Variants in RANBP2 observed in about 807,000 individuals in gnomAD.
RANBP2 encodes the protein RAN binding protein 2, also known as E3 SUMO-protein ligase RanBP2.
RANBP2 carries 57 observed loss-of-function variants against 303.6 expected under a neutral mutation model. The ratio of observed to expected loss-of-function variants is 0.19; its 90% CI spans 0.15 to 0.23. The LOEUF is 0.23. Ranked by LOEUF, RANBP2 falls within the 10% of genes least tolerant of loss-of-function variation. The pLI, the probability that RANBP2 is intolerant of heterozygous loss-of-function variation, is 1.00. For missense variants in RANBP2, 3,138 were observed against 3,780.8 expected (o/e 0.83, Z 4.46); for synonymous variants, 1,167 against 1,301.5 (o/e 0.90, Z 2.23).
the RANBP2 span, among the ~76,000 whole-genome samples, chr2:109,566,699 C>T: frequency 6.6e-6 from 1 of 151,838 alleles, no homozygotes; most frequent in Admixed American, 6.6e-5. Flanking sequence ...CACAAGCTAA[C>T]CCACATCAAG....
the RANBP2 span, among the ~76,000 whole-genome samples, chr2:109,114,892 C>T: frequency 6.6e-6 from 1 of 152,098 alleles, no homozygotes; most frequent in African/African-American, 2.4e-5. Context: ...CGTTATGTAC[C>T]CAGTAGTCAT....
At chr2:109,739,449 G>A in the RANBP2 span, among the ~76,000 whole-genome samples, 1 of 151,558 alleles carries the variant, frequency 6.6e-6, no homozygotes, top group African/African-American at 2.4e-5. Flanking sequence ...TCACTTCTTT[G>A]GTTAATTCCT....
chr2:109,130,120 ATC>A, the RANBP2 span: 8 of 1,297,696 alleles, frequency 6.2e-6, no homozygotes, highest in Non-Finnish European at 7.8e-6. Context: ...AAAGGTGAGT[ATC>A]TGTCTCGGCG....
chr2:108,728,595 T>TATGATGATGATG (rs56238649), intron 1 of RANBP2, among the ~76,000 whole-genome samples: 48 of 145,726 alleles, frequency 3.3e-4, no homozygotes, highest in African/African-American at 9.6e-4. Flanking sequence ...CCAGCTTATT[T>TATGATGATGATG]ATGATGATGA....
chr2:109,230,461 T>C, the RANBP2 span, among the ~76,000 whole-genome samples: 1 of 152,088 alleles, frequency 6.6e-6, no homozygotes, highest in East Asian at 1.9e-4. Context: ...ATGCCTGTTA[T>C]CCCAGTTACT....
chr2:109,624,713 C>A, the RANBP2 span, among the ~76,000 whole-genome samples: 1 of 152,148 alleles, frequency 6.6e-6, no homozygotes, highest in Non-Finnish European at 1.5e-5. Context: ...TACTCTTCAA[C>A]TCAACTATTT....
rs775517055 is a variant in RANBP2 at position 108,753,101 on chromosome 2, A to G, written c.1859A>G (p.Asn620Ser). ...LPLLKIIKKK[N>S]SIPEPIDPLF... ...TTGTTGAAGATAATAAAAAAGAAGA[A>G]CAGTATTCCTGAACCTATTGATCCT... Residue 620 changes from asparagine (N) to serine (S), a missense_variant, in exon 13 of 29, where the codon AAC becomes AGC. By Grantham distance (46) the Asn-to-Ser change is conservative. Around this residue, in one of 20 missense-constraint regions of RANBP2, gnomAD observed 162 missense variants for 286.9 expected, o/e 0.56. Transcript: ENST00000283195. 6.2e-6 allele frequency: 10 copies of G among 1,610,468 alleles called. No homozygotes were observed. The highest frequency in any genetic ancestry group is 1.7e-5 in the Admixed American group (1 of 59,758).
chr2:109,206,657 T>A, the RANBP2 span, among the ~76,000 whole-genome samples: 2 of 151,768 alleles, frequency 1.3e-5, no homozygotes, highest in Non-Finnish European at 2.9e-5. Flanking sequence ...AAAAAAAAAT[T>A]TTTTTTAAAT....
At chr2:108,974,602 T>C in the RANBP2 span, among the ~76,000 whole-genome samples, 54 of 150,880 alleles carry the variant, frequency 3.6e-4, 1 homozygote, top group Non-Finnish European at 6.3e-4. Flanking sequence ...TGGTGGTGTG[T>C]GCCTGTAATC....
the RANBP2 span, among the ~76,000 whole-genome samples, chr2:108,940,549 A>C: frequency 2.6e-5 from 4 of 152,248 alleles, no homozygotes; most frequent in Non-Finnish European, 5.9e-5. Context: ...TGAGCCCCAG[A>C]TCGGGCGGAG....
chr2:109,496,109 GT>G, the RANBP2 span, among the ~76,000 whole-genome samples: 1 of 152,168 alleles, frequency 6.6e-6, no homozygotes, highest in Non-Finnish European at 1.5e-5. Context: ...CCCATGTTCT[GT>G]TTTTGTCCTA....
the RANBP2 span, among the ~76,000 whole-genome samples, chr2:109,361,689 T>C: frequency 5.9e-5 from 9 of 152,200 alleles, no homozygotes; most frequent in Non-Finnish European, 1.0e-4. Flanking sequence ...TTGGTCAGGC[T>C]GGTCTTGAAC....
the RANBP2 span, among the ~76,000 whole-genome samples, chr2:108,846,171 G>A: frequency 6.6e-6 from 1 of 152,134 alleles, no homozygotes; most frequent in East Asian, 1.9e-4. Flanking sequence ...ATCAGCAACT[G>A]AGAGAGTAGG....
the RANBP2 span, among the ~76,000 whole-genome samples, chr2:109,522,314 G>A: frequency 1.8e-4 from 26 of 145,360 alleles, no homozygotes; most frequent in Non-Finnish European, 2.7e-4. Flanking sequence ...TTTTTGAGAC[G>A]AAGTCTCGCT....
the RANBP2 span, among the ~76,000 whole-genome samples, chr2:109,702,476 C>T: frequency 6.6e-6 from 1 of 152,198 alleles, no homozygotes; most frequent in Non-Finnish European, 1.5e-5. Context: ...GAACTCTGGT[C>T]TGAAGGCGTC....
chr2:109,128,997 C>T, the RANBP2 span: 5,497 of 425,220 alleles, frequency 0.013, 48 homozygotes, highest in Non-Finnish European at 0.018. Flanking sequence ...TGCTCGCGGC[C>T]GAGGAAGAGG....
chr2:108,719,688 TCTCGAAGAGACCGACGGC>T lies in RANBP2; in HGVS notation c.72+16_72+33del. Reference sequence around the variant, plus strand: ...CCCGTCGCCTCGACAGGTGAGTGGGTCTCGAAGAGACCGACGGCCTCGACCTGGCCGGGCGGCGGCCTC... The same window carrying T: ...CCCGTCGCCTCGACAGGTGAGTGGGTCTCGACCTGGCCGGGCGGCGGCCTC... On this transcript the variant is annotated intron_variant, in intron 1 of 28. Transcript: ENST00000283195. 1 of 1,599,502 alleles carries T rather than the reference TCTCGAAGAGACCGACGGC, an allele frequency of 6.3e-7. No individual in the cohort carries two copies.
At chr2:108,918,287 C>CTAA in the RANBP2 span, among the ~76,000 whole-genome samples, 1 of 152,188 alleles carries the variant, frequency 6.6e-6, no homozygotes, top group Non-Finnish European at 1.5e-5. Flanking sequence ...AGGGTCTATG[C>CTAA]CTGTCTACTG....
At chr2:109,314,378 A>G in the RANBP2 span, among the ~76,000 whole-genome samples, 1 of 152,224 alleles carries the variant, frequency 6.6e-6, no homozygotes, top group Non-Finnish European at 1.5e-5. Context: ...TGAATCCCAT[A>G]GATCTTATAA....
Sources: allele counts gnomAD v4.1 joint callset (sites outside exome capture counted in the v4.1 genomes callset), GRCh38; gene constraint gnomAD v4.1.1; regional missense constraint gnomAD v4.1.1; transcripts MANE v1.5; gene names NCBI Gene and HGNC (gene_info 2026-07-23, HGNC 2026-07-21).